The following ENPP2 variants were observed in gnomAD, a reference collection of about 807,000 sequenced individuals.
ENPP2 encodes ectonucleotide pyrophosphatase/phosphodiesterase 2, also known as autotaxin.
In ENPP2, 51 loss-of-function variants were observed where a neutral mutation model predicts 120.2. That is an observed-to-expected ratio of 0.42 (90% CI 0.34 to 0.54). The LOEUF is 0.54. Among genes scored for constraint, ENPP2 ranks in the 20% least tolerant of loss-of-function variants. The probability of loss-of-function intolerance (pLI) is 0.04; values close to 1 mark genes in which losing one functional copy is unlikely to be tolerated. For missense variants in ENPP2, 920 were observed against 1,066.5 expected, an observed-to-expected ratio of 0.86 and a Z score of 1.91; for synonymous variants, 365 against 366.4, an observed-to-expected ratio of 1.00 and a Z score of 0.04.
At chr8:119,672,318 C>T (rs1366981568) in intron 1 of ENPP2, among the ~76,000 whole-genome samples, 1 of 152,204 alleles carries the variant, frequency 6.6e-6, no homozygotes, top group Non-Finnish European at 1.5e-5. Context: ...GTGATAAATA[C>T]ATAAGCAATA....
At chr8:119,643,574 C>T (rs1347535334), upstream of ENPP2, among the ~76,000 whole-genome samples, 1 of 152,104 alleles carries the variant, frequency 6.6e-6, no homozygotes, top group Non-Finnish European at 1.5e-5. Flanking sequence ...ACACATGAGC[C>T]CCGACACCAG....
chr8:119,594,363 A>G (rs1203571185), intron 11 of ENPP2, among the ~76,000 whole-genome samples: 1 of 152,222 alleles, frequency 6.6e-6, no homozygotes, highest in Non-Finnish European at 1.5e-5. Flanking sequence ...AAGTAATTTA[A>G]CTGTTGGCAT....
chr8:119,589,607 G>A (rs182277395), intron 13 of ENPP2, among the ~76,000 whole-genome samples: 8 of 152,252 alleles, frequency 5.3e-5, no homozygotes, highest in African/African-American at 1.9e-4. Context: ...AGGTCATGGA[G>A]GAGAGAGGGC....
At chr8:119,590,276 A>G (rs1355873734) in intron 13 of ENPP2, among the ~76,000 whole-genome samples, 1 of 152,228 alleles carries the variant, frequency 6.6e-6, no homozygotes, top group East Asian at 1.9e-4. Flanking sequence ...GAACCACTCT[A>G]AGCAATATGC....
chr8:119,644,111 C>T (rs1296296135), intron 1 of ENPP2, among the ~76,000 whole-genome samples: 2 of 152,038 alleles, frequency 1.3e-5, no homozygotes, highest in Non-Finnish European at 2.9e-5. Context: ...TGTCTTTACC[C>T]TAAAGGCAAC....
intron 2 of ENPP2, among the ~76,000 whole-genome samples, chr8:119,630,680 T>A (rs1168568830): frequency 6.6e-6 from 1 of 152,162 alleles, no homozygotes; most frequent in East Asian, 1.9e-4. Flanking sequence ...TCAAAAGAAG[T>A]ACTGTACTTA....
intron 1 of ENPP2, 106 bp from the exon 2 acceptor site, chr8:119,638,633 C>T: frequency 1.0e-6 from 1 of 997,182 alleles, no homozygotes; most frequent in African/African-American, 1.6e-5. Context: ...AATCCTACCA[C>T]TTCCAAAATG....
At chr8:119,653,843 G>C (rs866762131) in intron 1 of ENPP2, among the ~76,000 whole-genome samples, 6 of 151,856 alleles carry the variant, frequency 4.0e-5, no homozygotes, top group South Asian at 2.1e-4. Context: ...GCGTAGATGA[G>C]GGGAGAAGGT....
chr8:119,617,010 C>A (rs1815501174), intron 7 of ENPP2, among the ~76,000 whole-genome samples, 154 bp downstream of exon 7: 1 of 152,152 alleles, frequency 6.6e-6, no homozygotes, highest in Non-Finnish European at 1.5e-5. Context: ...TTGTAAAAGG[C>A]ATTTGCTGTG....
rs191807837 is a variant in ENPP2, at chr8:119,627,664, C to A, written c.137-944G>T. Reference sequence around the variant, plus strand: ...ATCATCTGAGGTCAGGAGTTCGAGACCAGCCTGGCCAACACAGTAAAACCC... The same window carrying A: ...ATCATCTGAGGTCAGGAGTTCGAGAACAGCCTGGCCAACACAGTAAAACCC... On this transcript the variant is annotated intron_variant, in intron 2 of 24. Transcript: ENST00000075322. Among the ~76,000 whole-genome samples the A allele has an allele frequency of 3.0e-3, 459 of 152,032 alleles. 3 individuals are homozygous for A. Among genetic ancestry groups the A allele is most frequent in the African/African-American group, 0.011 (446 of 41,470 alleles).
chr8:119,595,900 T>C (rs1813861244), intron 11 of ENPP2: 1 of 1,614,106 alleles, frequency 6.2e-7, no homozygotes, highest in African/African-American at 1.3e-5. Flanking sequence ...ATTTTTCTTC[T>C]TCTTTTCTTT....
intron 19 of ENPP2, among the ~76,000 whole-genome samples, chr8:119,574,607 A>C (rs1241576771): frequency 6.6e-6 from 1 of 151,928 alleles, no homozygotes; most frequent in Non-Finnish European, 1.5e-5. Context: ...TTTGTATTCC[A>C]AATTTGGGTC....
intron 20 of ENPP2, among the ~76,000 whole-genome samples, chr8:119,570,188 G>C (rs1331255748): frequency 1.3e-5 from 2 of 150,838 alleles, no homozygotes; most frequent in African/African-American, 4.9e-5. Context: ...AGAATCACTT[G>C]AACCCAGGAG....
At chr8:119,560,964 G>A (rs923499458) in intron 24 of ENPP2, among the ~76,000 whole-genome samples, 4 of 151,882 alleles carry the variant, frequency 2.6e-5, no homozygotes, top group African/African-American at 9.7e-5. Context: ...ACACATAATC[G>A]GATCACAACA....
chr8:119,602,965 G>A (rs1484927237), intron 9 of ENPP2, among the ~76,000 whole-genome samples: 1 of 152,142 alleles, frequency 6.6e-6, no homozygotes, highest in African/African-American at 2.4e-5. Context: ...CCAGCTCACA[G>A]GGATTTGTCA....
chr8:119,608,414 A>C (rs1814872077), intron 8 of ENPP2, among the ~76,000 whole-genome samples: 1 of 152,204 alleles, frequency 6.6e-6, no homozygotes, highest in Non-Finnish European at 1.5e-5. Context: ...GAATTTTGGA[A>C]TCCAGATTGT....
intron 21 of ENPP2, among the ~76,000 whole-genome samples, chr8:119,568,708 C>G (rs1214762199): frequency 6.6e-6 from 1 of 152,116 alleles, no homozygotes; most frequent in Non-Finnish European, 1.5e-5. Flanking sequence ...TTAAGGGATC[C>G]TCCCACCTCA....
intron 10 of ENPP2, 80 bp from the exon 11 acceptor site, chr8:119,600,830 T>C (rs1814247113): frequency 1.2e-6 from 1 of 858,368 alleles, no homozygotes; most frequent in Non-Finnish European, 1.9e-6. Flanking sequence ...AAAAACGCAT[T>C]TAAAAAAAAA....
At chr8:119,576,924 G>A (rs1339444742) in intron 19 of ENPP2, among the ~76,000 whole-genome samples, 1 of 152,128 alleles carries the variant, frequency 6.6e-6, no homozygotes, top group Non-Finnish European at 1.5e-5. Context: ...CTTTATTTTA[G>A]TAAAGGATTT....
Sources: allele counts gnomAD v4.1 joint callset (sites outside exome capture counted in the v4.1 genomes callset), GRCh38; gene constraint gnomAD v4.1.1; transcripts MANE v1.5; gene names NCBI Gene and HGNC (gene_info 2026-07-23, HGNC 2026-07-21).